The following TREH variants were observed in gnomAD, a reference collection of about 807,000 sequenced individuals.
The protein encoded by TREH is trehalase.
In TREH, 69 loss-of-function variants were observed where a neutral mutation model predicts 80.5. That is an observed-to-expected ratio of 0.86 (90% CI 0.71 to 1.05). TREH has a LOEUF of 1.05. TREH is among the 50% of genes least tolerant of loss of function. The pLI is 0.00. For synonymous variants in TREH, 309 were observed against 293.5 expected (o/e 1.05, Z -0.54); for missense variants, 716 against 718.8 (o/e 1.00, Z 0.04).
In TREH at chr11:118,670,153, G is replaced by A. The variant is rs892116899; in HGVS notation, c.90-6714C>T. 1.6e-4 allele frequency among the ~76,000 whole-genome samples: 25 copies of A among 152,198 alleles called. 1 individual carries two copies. The highest frequency in any genetic ancestry group is 1.3e-4 in the Admixed American group (2 of 15,278). On this transcript the variant is annotated intron_variant, in intron 1 of 14. Coordinates refer to ENST00000264029, the MANE Select transcript of TREH (RefSeq NM_007180.3). ...TACCCAGAGATTGGGAGGTCAGGCT[G>A]ATATCACTTGGCTCAAAGCCCCACC...
At chr11:118,659,693 C>T (rs1565524057) in intron 11 of TREH, 54 bp downstream of exon 11, 6 of 1,540,498 alleles carry the variant, frequency 3.9e-6, no homozygotes, top group African/African-American at 1.4e-5. Context: ...TGTTCAGGGT[C>T]GGGAGGGGGC....
rs782245431 is a variant in TREH, at chr11:118,661,453, G to C, written c.674C>G (p.Pro225Arg). ...GCAATCCATCATGAGGGTCAAGAGT[G>C]GGGGCTGGCTCCGCTGCAGGTAGTA... Reference protein sequence around the residue: ...RVYYLQRSQPPLLTLMMDCYL... With the variant: ...RVYYLQRSQPRLLTLMMDCYL... The change falls in exon 7 of 15, where the codon CCA (proline) becomes CGA (arginine). Residue 225 changes from proline to arginine, a missense_variant. Transcript: ENST00000264029. This position sits in a 1 kb window ranked among gnomAD's most constrained non-coding sequence, Gnocchi z 4.2. 6.2e-7 allele frequency: 1 copy of C among 1,613,914 alleles called. No individual in the cohort carries two copies. Among genetic ancestry groups the C allele is most frequent in the South Asian group, 1.1e-5 (1 of 91,074 alleles).
At chr11:118,679,268 T>G (rs567157560) in intron 1 of TREH, among the ~76,000 whole-genome samples, 1 of 151,440 alleles carries the variant, frequency 6.6e-6, no homozygotes, top group African/African-American at 2.4e-5. Flanking sequence ...ACCCGGGAGG[T>G]CTAGGCTGCA....
rs540345543 is a variant in TREH at position 118,666,096 on chromosome 11, G to A, written c.90-2657C>T. ...TACTAAAAATACAAAAATTAGCTGG[G>A]CATGATGGTGCCTGTAATTCTAGCT... On this transcript the variant is annotated intron_variant, in intron 1 of 14. Coordinates refer to ENST00000264029, the MANE Select transcript of TREH (RefSeq NM_007180.3). Among the ~76,000 whole-genome samples, 4 of 152,326 alleles carry A rather than the reference G, an allele frequency of 2.6e-5. No individual in the cohort carries two copies. The South Asian group carries it at 8.3e-4, about 32-fold the overall frequency.
intron 1 of TREH, among the ~76,000 whole-genome samples, chr11:118,670,102 G>T (rs1171677476): frequency 6.6e-6 from 1 of 152,048 alleles, no homozygotes; most frequent in Non-Finnish European, 1.5e-5. Flanking sequence ...TTTAAAAAAA[G>T]AAATCAATTT....
chr11:118,667,355 T>G (rs1591833609), intron 1 of TREH, among the ~76,000 whole-genome samples: 4 of 64 alleles, frequency 0.062, no homozygotes, highest in Admixed American at 0.4. Flanking sequence ...ATTTTTTCTA[T>G]TTTTTTTGTA....
At chr11:118,658,565 A>G in intron 14 of TREH, 115 bp downstream of exon 14, 1 of 1,516,646 alleles carries the variant, frequency 6.6e-7, no homozygotes, top group Non-Finnish European at 8.9e-7. Flanking sequence ...AGCACCAGTC[A>G]GCTCCTCCCC....
intron 1 of TREH, among the ~76,000 whole-genome samples, chr11:118,679,026 T>C (rs1295646745): frequency 2.0e-5 from 3 of 152,226 alleles, no homozygotes. Flanking sequence ...GGGCGGGCTC[T>C]GGCCAGCAGG....
rs782643902 is a variant in TREH, at chr11:118,662,928, C to T, written c.376G>A (p.Ala126Thr). The T allele has an allele frequency of 2.3e-5, 37 of 1,609,874 alleles. No homozygotes were observed. The East Asian group carries it at 7.6e-4, about 33-fold the overall frequency. Residue 126 changes from alanine (A) to threonine (T), a missense_variant, in exon 4 of 15, where the codon GCC becomes ACC. Transcript: ENST00000264029. ...LQKISDAKLR[A>T]WAGQLHQLWK... is the part of the protein sequence containing the mutation. ...AGCTGATGCAGCTGCCCTGCCCAGG[C>T]ACGCAGTTTGGCATCTGAAATCTTC... is the stretch of plus-strand genomic sequence containing the variant.
intron 1 of TREH, among the ~76,000 whole-genome samples, chr11:118,665,656 G>GA (rs1949370813): frequency 6.6e-6 from 1 of 152,034 alleles, no homozygotes; most frequent in African/African-American, 2.4e-5. Flanking sequence ...AACAAAAAAA[G>GA]AAAAAACTGC....
intron 1 of TREH, among the ~76,000 whole-genome samples, chr11:118,669,203 G>C (rs1472072239): frequency 1.3e-5 from 2 of 152,164 alleles, no homozygotes; most frequent in Non-Finnish European, 2.9e-5. Flanking sequence ...AACAAATGCT[G>C]GTGAGGATGT....
At chr11:118,670,477 C>T (rs1472389697) in intron 1 of TREH, among the ~76,000 whole-genome samples, 1 of 152,194 alleles carries the variant, frequency 6.6e-6, no homozygotes, top group African/African-American at 2.4e-5. Flanking sequence ...ATAATATCAA[C>T]ATGAATATGC....
In TREH at chr11:118,663,035, C is replaced by G. The variant is rs185156868; in HGVS notation, c.335+17G>C. 4 of 1,612,202 alleles carry G rather than the reference C, an allele frequency of 2.5e-6. No individual in the cohort carries two copies. The Admixed American group carries it at 6.7e-5, about 27-fold the overall frequency. Reference sequence around the variant, plus strand: ...AGTTGGAAGGAACCCTCTCTTGTTCCCCTTCCAGAGTCATACCTGTCTTTC... The same window carrying G: ...AGTTGGAAGGAACCCTCTCTTGTTCGCCTTCCAGAGTCATACCTGTCTTTC... On this transcript the variant is annotated intron_variant, in intron 3 of 14. Transcript: ENST00000264029.
Position 118,661,631 on chromosome 11 carries a change from C to T in TREH, c.617+6G>A, listed in dbSNP as rs943302469. The T allele has an allele frequency of 1.5e-5, 25 of 1,613,794 alleles. No individual in the cohort carries two copies. Among genetic ancestry groups the T allele is most frequent in the African/African-American group, 1.3e-5 (1 of 74,932 alleles). ...ACCTAGGCTGGAGGTGCCTGGCCCC[C>T]CTCACGTTTTCACCAGGTCCAAGAA... is the stretch of plus-strand genomic sequence containing the variant. On this transcript the variant is annotated splice_donor_region_variant and intron_variant, in intron 6 of 14. Transcript: ENST00000264029. The surrounding 1 kb of genome is among the most constrained non-coding windows in gnomAD (Gnocchi z 4.2).
At chr11:118,660,801 G>C (rs1409544406) in intron 9 of TREH, 65 bp downstream of exon 9, 3 of 1,547,924 alleles carry the variant, frequency 1.9e-6, no homozygotes, top group Admixed American at 2.0e-5. Context: ...CAGGAGACCA[G>C]AGCCTGACAC....
chr11:118,670,527 G>A (rs892167859), intron 1 of TREH, among the ~76,000 whole-genome samples: 1 of 152,228 alleles, frequency 6.6e-6, no homozygotes, highest in African/African-American at 2.4e-5. Flanking sequence ...AGAGATAGGA[G>A]CTTTTAGCTC....
At chr11:118,666,666 G>A (rs1949380817) in intron 1 of TREH, among the ~76,000 whole-genome samples, 3 of 152,158 alleles carry the variant, frequency 2.0e-5, no homozygotes, top group Admixed American at 2.0e-4. Context: ...GGGGCCTTTG[G>A]ATTGTGTGAT....
chr11:118,660,701 C>A lies in TREH; in HGVS notation c.940G>T (p.Ala314Ser). ...AAGTCCCAGCCAGACTCAGCCCCAG[C>A]CTTGAGCTCAGCCCACAGAGCCTCC... ...DREALWAELK[A>S]GAESGWDFSS... Residue 314 changes from alanine to serine, a missense_variant, in exon 10 of 15, where the codon GCT (alanine) becomes TCT (serine). Transcript: ENST00000264029. The A allele has an allele frequency of 6.3e-7, 1 of 1,597,600 alleles. No homozygotes were observed. Among genetic ancestry groups the A allele is most frequent in the Non-Finnish European group, 8.5e-7 (1 of 1,172,098 alleles).
intron 1 of TREH, among the ~76,000 whole-genome samples, chr11:118,667,310 C>G (rs1450735947): frequency 6.6e-6 from 1 of 152,010 alleles, no homozygotes; most frequent in Non-Finnish European, 1.5e-5. Context: ...TCCTGAGTAG[C>G]TGGGACTACA....
Sources: gnomAD v4.1 joint callset for allele counts (sites outside exome capture counted in the v4.1 genomes callset) on GRCh38, gnomAD v4.1.1 for gene constraint, Gnocchi (gnomAD v3.1) non-coding constraint, MANE v1.5 for transcripts, NCBI Gene and HGNC (gene_info 2026-07-23, HGNC 2026-07-21) for gene names.